The following DNAL1 variants were observed in gnomAD, a reference collection of about 807,000 sequenced individuals.
DNAL1 encodes chromosome 14 open reading frame 168.
DNAL1 carries 17 observed loss-of-function variants against 29.4 expected under a neutral mutation model. The observed-to-expected ratio is 0.58, with a 90% CI of 0.40 to 0.87. The LOEUF is 0.87. DNAL1 is among the 40% of genes least tolerant of loss of function. DNAL1 has a pLI of 0.00. For synonymous variants in DNAL1, 78 were observed against 76.3 expected (o/e 1.02, Z -0.12); for missense variants, 188 against 214.1 (o/e 0.88, Z 0.76).
At chr14:73,676,811 G>T (rs1891743211) in intron 5 of DNAL1, among the ~76,000 whole-genome samples, 1 of 151,988 alleles carries the variant, frequency 6.6e-6, no homozygotes, top group South Asian at 2.1e-4. Flanking sequence ...ATAGATTTAT[G>T]AAAGTAGAAA....
chr14:73,677,833 AG>A (rs1891777060), intron 5 of DNAL1, among the ~76,000 whole-genome samples: 1 of 149,648 alleles, frequency 6.7e-6, no homozygotes, highest in Admixed American at 6.7e-5. Context: ...CTGGGATTAC[AG>A]GCGTGAGCCA....
intron 4 of DNAL1, among the ~76,000 whole-genome samples, chr14:73,663,604 C>A (rs1015197272): frequency 2.6e-5 from 4 of 152,084 alleles, no homozygotes; most frequent in Non-Finnish European, 4.4e-5. Flanking sequence ...AGGCTCATGA[C>A]CCATAGTTTG....
At chr14:73,657,865 G>A (rs1257947434) in intron 2 of DNAL1, among the ~76,000 whole-genome samples, 1 of 152,264 alleles carries the variant, frequency 6.6e-6, no homozygotes, top group Admixed American at 6.5e-5. Context: ...GAAGTGCTGG[G>A]ATTACAGGCG....
At chr14:73,683,811 G>A (rs1220730577) in intron 5 of DNAL1, among the ~76,000 whole-genome samples, 2 of 151,954 alleles carry the variant, frequency 1.3e-5, no homozygotes, top group Non-Finnish European at 2.9e-5. Flanking sequence ...AGGTTCAAGC[G>A]ATTCTCTTGC....
chr14:73,701,757 G>A lies in DNAL1; in HGVS notation c.*5815G>A, dbSNP rs937455990. 6.6e-6 allele frequency: 1 copy of A among 152,150 alleles called. No individual in the cohort carries two copies. The highest frequency in any genetic ancestry group is 1.9e-4 in the East Asian group (1 of 5,196). 9.4% of individuals were successfully genotyped at this position (152,150 alleles called of 1,614,324 possible). ...ATCATTCCAGAATCTTTGGCTTCTA[G>A]AACCAACTCCATTCTGAAGAACATT... On this transcript the variant is annotated 3_prime_UTR_variant, in exon 8 of 8. Transcript: ENST00000553645.
rs554584573 is a variant in DNAL1 at position 73,700,638 on chromosome 14, T to C, written c.*4696T>C. 1 of 152,334 alleles carries C rather than the reference T, an allele frequency of 6.6e-6. No homozygotes were observed. Among genetic ancestry groups the C allele is most frequent in the Non-Finnish European group, 1.5e-5 (1 of 68,040 alleles). 9.4% of individuals were successfully genotyped at this position (152,334 alleles called of 1,614,324 possible). ...GAAGTGTCAAAGCATCAGTCATGAA[T>C]AGATTATGTCTCTCTGACTACAGTC... On this transcript the variant is annotated 3_prime_UTR_variant, in exon 8 of 8. Coordinates refer to ENST00000553645, the MANE Select transcript of DNAL1 (RefSeq NM_031427.4).
chr14:73,647,759 A>G (rs1277032511), intron 1 of DNAL1, among the ~76,000 whole-genome samples: 1 of 152,250 alleles, frequency 6.6e-6, no homozygotes, highest in Non-Finnish European at 1.5e-5. Flanking sequence ...GCTGCAATAA[A>G]CAGCTAGATG....
Position 73,645,029 on chromosome 14 carries a change from C to A in DNAL1, c.-11C>A, listed in dbSNP as rs764915269. 1 of 1,609,496 alleles carries A rather than the reference C, an allele frequency of 6.2e-7. No individual in the cohort carries two copies. The highest frequency in any genetic ancestry group is 1.1e-5 in the South Asian group (1 of 89,766). ...CTAGCAACCAGAGCAGTGACAGTAGCAACCGCCGGAATGGTGAGTACCTTT... is the reference window on the plus strand; with the variant it reads ...CTAGCAACCAGAGCAGTGACAGTAGAAACCGCCGGAATGGTGAGTACCTTT... On this transcript the variant is annotated 5_prime_UTR_variant, in exon 1 of 8. Coordinates refer to ENST00000553645, the MANE Select transcript of DNAL1 (RefSeq NM_031427.4).
At position 73,671,605 on chromosome 14, in the gene DNAL1, GTTA is replaced by G. The variant is rs1295856896; in HGVS notation, c.264+11_264+13del. Reference sequence around the variant, plus strand: ...AAGAACTTAAATGGACTGGTAGGTTGTTATTTATTATTATTTTATTTATTTAAT... The same window carrying G: ...AAGAACTTAAATGGACTGGTAGGTTGTTTATTATTATTTTATTTATTTAAT... On this transcript the variant is annotated intron_variant, in intron 5 of 7. Transcript: ENST00000553645. 6.9e-7 allele frequency: 1 copy of G among 1,447,780 alleles called. No individual in the cohort carries two copies. Among genetic ancestry groups the G allele is most frequent in the East Asian group, 2.6e-5 (1 of 38,212 alleles). The allele number at this position is 1,447,780 out of a possible 1,614,324, so 89.7% of individuals were successfully genotyped here.
intron 5 of DNAL1, among the ~76,000 whole-genome samples, chr14:73,675,997 G>A (rs1171845083): frequency 6.6e-6 from 1 of 152,072 alleles, no homozygotes; most frequent in Non-Finnish European, 1.5e-5. Context: ...CTGGGCAACA[G>A]AGTGAGACTT....
chr14:73,660,413 C>T (rs1366618198), intron 3 of DNAL1, among the ~76,000 whole-genome samples: 3 of 152,104 alleles, frequency 2.0e-5, no homozygotes, highest in African/African-American at 7.2e-5. Flanking sequence ...CTATAGTATA[C>T]CATAGAATCA....
chr14:73,651,819 G>A (rs981693914), intron 1 of DNAL1, among the ~76,000 whole-genome samples: 1 of 151,938 alleles, frequency 6.6e-6, no homozygotes, highest in East Asian at 1.9e-4. Context: ...ACCATGCCCA[G>A]CTAAGTTTTG....
rs1892436204 is a variant in DNAL1, at chr14:73,701,496, T to C, written c.*5554T>C. 6.6e-6 allele frequency: 1 copy of C among 152,268 alleles called. No individual in the cohort carries two copies. The highest frequency in any genetic ancestry group is 2.1e-4 in the South Asian group (1 of 4,832). 9.4% of individuals were successfully genotyped at this position (152,268 alleles called of 1,614,324 possible). A position where few individuals can be genotyped will look rare whatever the true frequency, so the allele number is the denominator to read the frequency against. ...TGGGGGATGTGTCAAGTAGTTCTCC[T>C]ACTCAGAATAGAAGCTTTGCGAATT... On this transcript the variant is annotated 3_prime_UTR_variant, in exon 8 of 8. Coordinates refer to ENST00000553645, the MANE Select transcript of DNAL1 (RefSeq NM_031427.4).
chr14:73,701,736 T>C lies in DNAL1; in HGVS notation c.*5794T>C, dbSNP rs192400737. On this transcript the variant is annotated 3_prime_UTR_variant, in exon 8 of 8. Coordinates refer to ENST00000553645, the MANE Select transcript of DNAL1 (RefSeq NM_031427.4). Reference sequence around the variant, plus strand: ...CTGGCAGTCATGATTACGAGCATCATTCCAGAATCTTTGGCTTCTAGAACC... The same window carrying C: ...CTGGCAGTCATGATTACGAGCATCACTCCAGAATCTTTGGCTTCTAGAACC... 1 of 152,302 alleles carries C rather than the reference T, an allele frequency of 6.6e-6. No homozygotes were observed. The highest frequency in any genetic ancestry group is 6.5e-5 in the Admixed American group (1 of 15,288). 9.4% of individuals were successfully genotyped at this position (152,302 alleles called of 1,614,324 possible). A position where few individuals can be genotyped will look rare whatever the true frequency, so the allele number is the denominator to read the frequency against.
At chr14:73,688,613 ACT>A (rs762542230) in intron 6 of DNAL1, among the ~76,000 whole-genome samples, 68 of 151,868 alleles carry the variant, frequency 4.5e-4, no homozygotes, top group South Asian at 8.3e-4. Context: ...ACAGAAGGAG[ACT>A]CTTTCTCAAA....
intron 6 of DNAL1, among the ~76,000 whole-genome samples, chr14:73,687,902 G>A (rs1200923991): frequency 6.6e-6 from 1 of 151,948 alleles, no homozygotes; most frequent in African/African-American, 2.4e-5. Flanking sequence ...ACGACTTAAT[G>A]GGCACAGCAT....
chr14:73,700,254 G>A lies in DNAL1; in HGVS notation c.*4312G>A, dbSNP rs901449170. On this transcript the variant is annotated 3_prime_UTR_variant, in exon 8 of 8. Transcript: ENST00000553645. The stretch of plus-strand genomic sequence containing the variant: ...TGTAATCCCAGCTACTCGGGAGGCT[G>A]AGGCAGGAGAATTGCTTGAACCCGG... 1 of 152,266 alleles carries A rather than the reference G, an allele frequency of 6.6e-6. No individual in the cohort carries two copies. Among genetic ancestry groups the A allele is most frequent in the Non-Finnish European group, 1.5e-5 (1 of 68,080 alleles). 9.4% of individuals were successfully genotyped at this position (152,266 alleles called of 1,614,324 possible).
At chr14:73,679,788 GTCTTA>G (rs1891833479) in intron 5 of DNAL1, among the ~76,000 whole-genome samples, 1 of 56,474 alleles carries the variant, frequency 1.8e-5, no homozygotes, top group South Asian at 4.8e-4. Context: ...TGTAAAAATA[GTCTTA>G]TCTTCTTAAT....
chr14:73,656,863 T>C lies in DNAL1; in HGVS notation c.42+1978T>C, dbSNP rs996821913. On this transcript the variant is annotated intron_variant, in intron 2 of 7. Coordinates refer to ENST00000553645, the MANE Select transcript of DNAL1 (RefSeq NM_031427.4). Reference sequence around the variant, plus strand: ...AAATATATGTCATAAAAATAAGCACTGAGTGGATATGTATTAGATCTTTTT... The same window carrying C: ...AAATATATGTCATAAAAATAAGCACCGAGTGGATATGTATTAGATCTTTTT... 3.3e-5 allele frequency among the ~76,000 whole-genome samples: 5 copies of C among 152,318 alleles called. No homozygotes were observed. The East Asian group carries it at 9.6e-4, about 29-fold the overall frequency.
Sources: allele counts gnomAD v4.1 joint callset (sites outside exome capture counted in the v4.1 genomes callset), GRCh38; gene constraint gnomAD v4.1.1; transcripts MANE v1.5; gene names NCBI Gene and HGNC (gene_info 2026-07-23, HGNC 2026-07-21).